DLG2: variants seen among roughly 807,000 people sequenced by gnomAD.
DLG2 encodes discs large MAGUK scaffold protein 2, also known as disks large homolog 2.
Under a neutral mutation model 132.5 loss-of-function variants are expected in DLG2, and 45 were observed. The observed-to-expected ratio is 0.34, with a 90% CI of 0.27 to 0.44. The LOEUF is 0.44. DLG2 is among the 20% of genes least tolerant of loss of function. The pLI is 1.00. For synonymous variants in DLG2, 424 were observed against 419.6 expected, an observed-to-expected ratio of 1.01 and a Z score of -0.13; for missense variants, 1,045 against 1,196.9, an observed-to-expected ratio of 0.87 and a Z score of 1.87.
At chr11:85,194,088 G>C (rs921075825) in intron 4 of DLG2, among the ~76,000 whole-genome samples, 3 of 152,216 alleles carry the variant, frequency 2.0e-5, no homozygotes, top group African/African-American at 7.2e-5. Flanking sequence ...TTAGGTCATG[G>C]GGATGAGAGG....
intron 6 of DLG2, among the ~76,000 whole-genome samples, chr11:84,942,642 A>T (rs2049604119): frequency 6.6e-6 from 1 of 152,170 alleles, no homozygotes; most frequent in Non-Finnish European, 1.5e-5. Flanking sequence ...ATGGCCCAAC[A>T]TATGGGCAAT....
intron 6 of DLG2, among the ~76,000 whole-genome samples, chr11:84,570,415 T>C (rs892898928): frequency 6.6e-6 from 1 of 152,158 alleles, no homozygotes; most frequent in Non-Finnish European, 1.5e-5. Context: ...CTGATCTCAC[T>C]TAATTATAAT....
intron 4 of DLG2, among the ~76,000 whole-genome samples, chr11:85,177,263 T>TTATATATA (rs748552882): frequency 1.2e-3 from 164 of 137,058 alleles, no homozygotes; most frequent in African/African-American, 3.0e-3. Flanking sequence ...GTATATGTAT[T>TTATATATA]TATATATATA....
At chr11:83,865,346 A>G (rs183915992) in intron 16 of DLG2, among the ~76,000 whole-genome samples, 55 of 152,164 alleles carry the variant, frequency 3.6e-4, no homozygotes, top group African/African-American at 1.3e-3. Context: ...CTCTTACCCA[A>G]CCACCTTACA....
intron 6 of DLG2, among the ~76,000 whole-genome samples, chr11:84,567,796 C>A (rs1238860069): frequency 6.6e-6 from 1 of 152,140 alleles, no homozygotes; most frequent in East Asian, 1.9e-4. Context: ...AAGCAACTAT[C>A]CACAGACAAG....
intron 6 of DLG2, among the ~76,000 whole-genome samples, chr11:84,870,979 A>G (rs1172875280): frequency 2.0e-5 from 3 of 152,234 alleles, no homozygotes; most frequent in African/African-American, 7.2e-5. Context: ...TCATTTAACC[A>G]TCCTTTTACA....
At chr11:83,811,303 G>A (rs1235006745) in intron 17 of DLG2, among the ~76,000 whole-genome samples, 2 of 151,946 alleles carry the variant, frequency 1.3e-5, no homozygotes, top group Admixed American at 6.6e-5. Context: ...ATTTTTTCTG[G>A]ACTAAATTCT....
chr11:84,201,635 ATTACTGG>A (rs1372947217), intron 8 of DLG2, among the ~76,000 whole-genome samples: 1 of 148,676 alleles, frequency 6.7e-6, no homozygotes, highest in Admixed American at 6.7e-5. Flanking sequence ...TACAGAACAC[ATTACTGG>A]TCTATTCAGG....
chr11:85,487,785 T>C (rs552370627), intron 3 of DLG2, among the ~76,000 whole-genome samples: 1 of 152,268 alleles, frequency 6.6e-6, no homozygotes, highest in South Asian at 2.1e-4. Flanking sequence ...TAGCAAGACA[T>C]TTAGACATAC....
intron 6 of DLG2, among the ~76,000 whole-genome samples, chr11:84,647,245 G>A (rs1279713321): frequency 1.3e-5 from 2 of 152,076 alleles, no homozygotes. Context: ...AAGAAACAGT[G>A]GGAGAGAAGG....
chr11:85,614,545 C>G (rs1427371381), intron 2 of DLG2, among the ~76,000 whole-genome samples: 1 of 152,132 alleles, frequency 6.6e-6, no homozygotes, highest in Non-Finnish European at 1.5e-5. Context: ...GAGGCTGAGG[C>G]AGAAGAACAG....
chr11:83,878,733 G>T (rs907827693), intron 15 of DLG2, among the ~76,000 whole-genome samples: 1 of 152,124 alleles, frequency 6.6e-6, no homozygotes, highest in African/African-American at 2.4e-5. Flanking sequence ...AATAGTGGGT[G>T]GGTAGAATGA....
intron 3 of DLG2, among the ~76,000 whole-genome samples, chr11:85,309,109 T>C (rs1000916776): frequency 6.6e-6 from 1 of 151,882 alleles, no homozygotes; most frequent in Non-Finnish European, 1.5e-5. Flanking sequence ...ACCACCAACA[T>C]AAAAAGGACA....
chr11:85,180,221 C>T (rs900867173), intron 4 of DLG2, among the ~76,000 whole-genome samples: 9 of 151,874 alleles, frequency 5.9e-5, no homozygotes, highest in African/African-American at 1.9e-4. Flanking sequence ...AGCACATATA[C>T]ATACTGAGAA....
At chr11:84,207,456 G>A (rs2096685937) in intron 8 of DLG2, among the ~76,000 whole-genome samples, 1 of 151,944 alleles carries the variant, frequency 6.6e-6, no homozygotes, top group Non-Finnish European at 1.5e-5. Context: ...TAAATCACTG[G>A]AACAAAATAC....
chr11:83,924,255 T>G (rs1247758430), intron 15 of DLG2, among the ~76,000 whole-genome samples: 1 of 152,130 alleles, frequency 6.6e-6, no homozygotes. Flanking sequence ...ATTTACAGAC[T>G]TTGAAACAGT....
In DLG2 at chr11:83,532,692, A is replaced by G. The variant is rs373188493; in HGVS notation, c.2193+16T>C. ...GCAACTGAGAGAACTTGATGTTTCC[A>G]TCATTTTGTACCTACCCCTTTCGAA... is the stretch of plus-strand genomic sequence containing the variant. On this transcript the variant is annotated intron_variant, in intron 21 of 27. Coordinates refer to ENST00000376104, the MANE Select transcript of DLG2 (RefSeq NM_001142699.3). The G allele has an allele frequency of 1.1e-4, 180 of 1,611,092 alleles. No individual in the cohort carries two copies. In the African/African-American group the frequency reaches 2.1e-3, roughly 19 times the overall value.
intron 8 of DLG2, among the ~76,000 whole-genome samples, chr11:84,227,522 C>T (rs2097019320): frequency 1.3e-5 from 2 of 152,122 alleles, no homozygotes; most frequent in African/African-American, 4.8e-5. Flanking sequence ...TATTTGTTCA[C>T]AATAATCTTA....
chr11:85,135,698 C>G (rs1217539373), intron 5 of DLG2, among the ~76,000 whole-genome samples: 1 of 152,146 alleles, frequency 6.6e-6, no homozygotes, highest in Non-Finnish European at 1.5e-5. Flanking sequence ...TGATTAATGT[C>G]TATATCACCC....
Sources: allele counts gnomAD v4.1 joint callset (sites outside exome capture counted in the v4.1 genomes callset), GRCh38; gene constraint gnomAD v4.1.1; transcripts MANE v1.5; gene names NCBI Gene and HGNC (gene_info 2026-07-23, HGNC 2026-07-21).